Variants in SLC5A4 observed in about 807,000 individuals in gnomAD.
SLC5A4 encodes the protein probable glucose sensor protein SLC5A4.
In SLC5A4, 55 loss-of-function variants were observed where a neutral mutation model predicts 70.3. The observed-to-expected ratio is 0.78, with a 90% confidence interval of 0.63 to 0.98. The LOEUF is 0.98. Among genes scored for constraint, SLC5A4 ranks in the 50% least tolerant of loss-of-function variants. SLC5A4 has a pLI of 0.00. For missense variants in SLC5A4, 735 were observed against 839.2 expected, an observed-to-expected ratio of 0.88 and a Z score of 1.53; for synonymous variants, 268 against 305.7, an observed-to-expected ratio of 0.88 and a Z score of 1.29.
the SLC5A4 span, among the ~76,000 whole-genome samples, chr22:32,348,175 A>G: frequency 3.9e-5 from 6 of 152,278 alleles, 1 homozygote; most frequent in African/African-American, 1.4e-4. Flanking sequence ...CGTTTTTTCC[A>G]GGACACCTCC....
At chr22:32,342,535 A>G in the SLC5A4 span, among the ~76,000 whole-genome samples, 4 of 152,218 alleles carry the variant, frequency 2.6e-5, no homozygotes, top group Non-Finnish European at 5.9e-5. Flanking sequence ...TTAATAAATT[A>G]AAAATCAAAA....
At chr22:32,316,934 C>CTCTGTGTGTGTGTGTGTGTGTGTGTG in the SLC5A4 span, among the ~76,000 whole-genome samples, 2 of 148,622 alleles carry the variant, frequency 1.3e-5, no homozygotes, top group African/African-American at 5.0e-5. Context: ...ATTAACAACT[C>CTCTGTGTGTGTGTGTGTGTGTGTGTG]TGTGTGTGTG....
At chr22:32,263,379 GA>G in the SLC5A4 span, among the ~76,000 whole-genome samples, 1 of 152,168 alleles carries the variant, frequency 6.6e-6, no homozygotes, top group Non-Finnish European at 1.5e-5. Flanking sequence ...GGTTAGCCCA[GA>G]TAAAATGAAA....
chr22:32,347,978 C>G, the SLC5A4 span, among the ~76,000 whole-genome samples: 1 of 152,186 alleles, frequency 6.6e-6, no homozygotes, highest in African/African-American at 2.4e-5. Flanking sequence ...AGCTCCAACA[C>G]TGATCAGCTT....
intron 5 of SLC5A4, among the ~76,000 whole-genome samples, chr22:32,239,590 ATATAAAT>A (rs1926373365): frequency 3.0e-5 from 1 of 33,058 alleles, no homozygotes; most frequent in African/African-American, 2.1e-4. Flanking sequence ...ATTTATATAT[ATATAAAT>A]TATATAAAAT....
the SLC5A4 span, among the ~76,000 whole-genome samples, chr22:32,318,077 G>A: frequency 4.0e-5 from 6 of 151,890 alleles, no homozygotes; most frequent in Non-Finnish European, 7.4e-5. Flanking sequence ...CTGCTTCCAG[G>A]ACACTGCACT....
At chr22:32,239,537 TATATATATATATATA>T (rs1569374647) in intron 5 of SLC5A4, among the ~76,000 whole-genome samples, 9 of 16,344 alleles carry the variant, frequency 5.5e-4, no homozygotes, top group Admixed American at 1.7e-3. Context: ...TATATATATA[TATATATATATATATA>T]TATATATATA....
At chr22:32,297,532 A>T in the SLC5A4 span, among the ~76,000 whole-genome samples, 1 of 76,550 alleles carries the variant, frequency 1.3e-5, no homozygotes, top group African/African-American at 5.0e-5. Flanking sequence ...TGTCTATTTG[A>T]TTCTTCTCTC....
chr22:32,272,730 T>C, the SLC5A4 span: 1 of 518,502 alleles, frequency 1.9e-6, no homozygotes, highest in Non-Finnish European at 3.7e-6. Flanking sequence ...GAACGCATTC[T>C]ATAGGACCCT....
the SLC5A4 span, among the ~76,000 whole-genome samples, chr22:32,290,342 G>A: frequency 2.0e-5 from 3 of 152,078 alleles, no homozygotes; most frequent in Admixed American, 6.6e-5. Flanking sequence ...AGGACATGTG[G>A]TGTTTTCTCT....
At chr22:32,303,363 C>T in the SLC5A4 span, among the ~76,000 whole-genome samples, 1 of 152,220 alleles carries the variant, frequency 6.6e-6, no homozygotes. Context: ...TTTTGAGTCT[C>T]TGATCAGCCA....
chr22:32,340,515 C>T, the SLC5A4 span, among the ~76,000 whole-genome samples: 4,040 of 152,240 alleles, frequency 0.027, 170 homozygotes, highest in African/African-American at 0.091. Flanking sequence ...TGTCAGGCGG[C>T]GACGCACGTG....
At chr22:32,234,430 G>T (rs1488185415) in intron 8 of SLC5A4, among the ~76,000 whole-genome samples, 1 of 152,184 alleles carries the variant, frequency 6.6e-6, no homozygotes, top group Non-Finnish European at 1.5e-5. Context: ...TGGGTGCGGT[G>T]GCTCACCCCT....
At chr22:32,239,622 TA>T (rs1390470603) in intron 5 of SLC5A4, among the ~76,000 whole-genome samples, 3 of 123,740 alleles carry the variant, frequency 2.4e-5, no homozygotes. Flanking sequence ...GTATAATATA[TA>T]AAATATATAT....
chr22:32,270,884 A>G, the SLC5A4 span: 1 of 557,438 alleles, frequency 1.8e-6, no homozygotes. Flanking sequence ...CCATCAGCCC[A>G]ACGTGATCAC....
At chr22:32,326,975 G>C in the SLC5A4 span, among the ~76,000 whole-genome samples, 1 of 152,194 alleles carries the variant, frequency 6.6e-6, no homozygotes, top group East Asian at 1.9e-4. Context: ...CTCCAGCAGG[G>C]CCCCGTGCTG....
chr22:32,351,617 G>C, the SLC5A4 span, among the ~76,000 whole-genome samples: 1 of 148,428 alleles, frequency 6.7e-6, no homozygotes, highest in Admixed American at 6.7e-5. Flanking sequence ...CAGGAGAATT[G>C]CTTGAACCTG....
chr22:32,337,547 G>A, the SLC5A4 span, among the ~76,000 whole-genome samples: 4 of 116,022 alleles, frequency 3.4e-5, no homozygotes, highest in Admixed American at 3.1e-4. Flanking sequence ...AGAAAAAAAA[G>A]AAAAGAAAAA....
At chr22:32,311,316 A>G in the SLC5A4 span, among the ~76,000 whole-genome samples, 5 of 152,200 alleles carry the variant, frequency 3.3e-5, no homozygotes, top group African/African-American at 1.2e-4. Flanking sequence ...ACTAGGTCTG[A>G]TGAAATGAGG....
Sources: gnomAD v4.1 joint callset for allele counts (sites outside exome capture counted in the v4.1 genomes callset) on GRCh38, gnomAD v4.1.1 for gene constraint, MANE v1.5 for transcripts, NCBI Gene and HGNC (gene_info 2026-07-23, HGNC 2026-07-21) for gene names.